The following FRZB variants were observed in gnomAD, a reference collection of about 807,000 sequenced individuals.
FRZB encodes frizzled related protein.
A neutral mutation model predicts 32.5 loss-of-function variants in FRZB; 34 were observed. That is an observed-to-expected ratio of 1.05 (90% CI 0.80 to 1.39). FRZB has a LOEUF of 1.39. FRZB is among the 40% of genes most tolerant of loss of function. The pLI, the probability that FRZB is intolerant of heterozygous loss-of-function variation, is 0.00. For missense variants in FRZB, 423 were observed against 424.8 expected (o/e 1.00, Z 0.04); for synonymous variants, 170 against 159.2 (o/e 1.07, Z -0.51).
intron 2 of FRZB, among the ~76,000 whole-genome samples, chr2:182,855,805 AC>A (rs1695761795): frequency 6.6e-6 from 1 of 152,182 alleles, no homozygotes; most frequent in African/African-American, 2.4e-5. Flanking sequence ...ATAACCCTAA[AC>A]AGGGTAAACT....
At chr2:182,843,656 C>A (rs73037282) in intron 2 of FRZB, among the ~76,000 whole-genome samples, 1 of 152,114 alleles carries the variant, frequency 6.6e-6, no homozygotes, top group Non-Finnish European at 1.5e-5. Context: ...CAAGCGCTCA[C>A]GCCTGTAATC....
rs545959929 is a variant in FRZB at position 182,835,016 on chromosome 2, T to C, written c.862-51A>G. 1.9e-5 allele frequency: 25 copies of C among 1,304,144 alleles called. No individual in the cohort carries two copies. In the South Asian group the frequency reaches 2.6e-4, roughly 14 times the overall value. The allele number at this position is 1,304,144 out of a possible 1,614,324, so 80.8% of individuals were successfully genotyped here. On this transcript the variant is annotated intron_variant, in intron 5 of 5. Coordinates refer to ENST00000295113, the MANE Select transcript of FRZB (RefSeq NM_001463.4). ...TCACAAGCACATATCACCAGGGTCA[T>C]TATTTCCATGATTCTAACAACTGGG... is the stretch of plus-strand genomic sequence containing the variant.
intron 2 of FRZB, among the ~76,000 whole-genome samples, chr2:182,858,450 G>A (rs1695794975): frequency 6.6e-6 from 1 of 152,170 alleles, no homozygotes; most frequent in Non-Finnish European, 1.5e-5. Flanking sequence ...GTGATTGCCA[G>A]TGGATGAAGA....
At chr2:182,865,188 T>A (rs1695877265) in intron 1 of FRZB, among the ~76,000 whole-genome samples, 1 of 152,126 alleles carries the variant, frequency 6.6e-6, no homozygotes, top group African/African-American at 2.4e-5. Context: ...AAATAAGGTA[T>A]TAAAGACAAT....
chr2:182,864,579 A>G (rs1265611395), intron 1 of FRZB, among the ~76,000 whole-genome samples: 1 of 152,222 alleles, frequency 6.6e-6, no homozygotes, highest in Non-Finnish European at 1.5e-5. Flanking sequence ...TATATTCAAA[A>G]AGTGATAAAC....
At chr2:182,855,121 A>G (rs1006041448) in intron 2 of FRZB, among the ~76,000 whole-genome samples, 1 of 152,212 alleles carries the variant, frequency 6.6e-6, no homozygotes, top group Non-Finnish European at 1.5e-5. Flanking sequence ...TAAAATCACA[A>G]CCCACAGAAG....
Position 182,866,102 on chromosome 2 carries a change from C to T in FRZB, c.451G>A (p.Glu151Lys). ...GCTCCGTCCGCAGTAACGATGGCCT[C>T]GGGAGAGATGCACACGCCCCTGTCG... Reference protein sequence around the residue: ...VYDRGVCISPEAIVTADGADF... With the variant: ...VYDRGVCISPKAIVTADGADF... Residue 151 changes from glutamate to lysine, a missense_variant, in exon 1 of 6, where the codon GAG becomes AAG. Glu to Lys is a moderately conservative substitution (Grantham distance 56). Coordinates refer to ENST00000295113, the MANE Select transcript of FRZB (RefSeq NM_001463.4). This position sits in a 1 kb window ranked among gnomAD's most constrained non-coding sequence, Gnocchi z 4.5. 2 of 1,613,354 alleles carry T rather than the reference C, an allele frequency of 1.2e-6. No individual in the cohort carries two copies. Among genetic ancestry groups the T allele is most frequent in the African/African-American group, 1.3e-5 (1 of 75,036 alleles).
At chr2:182,853,895 C>T (rs1695737230) in intron 2 of FRZB, among the ~76,000 whole-genome samples, 1 of 152,058 alleles carries the variant, frequency 6.6e-6, no homozygotes, top group Non-Finnish European at 1.5e-5. Flanking sequence ...GTCATTGTAA[C>T]AAAAACTGAA....
intron 2 of FRZB, 77 bp from the exon 3 acceptor site, chr2:182,842,620 C>A: frequency 8.5e-7 from 1 of 1,176,586 alleles, no homozygotes; most frequent in South Asian, 1.3e-5. Flanking sequence ...ACATTTTTTG[C>A]TCAGACTAGA....
chr2:182,833,866 C>A lies in FRZB; in HGVS notation c.*983G>T, dbSNP rs1340951096. ...AACAGAAAAAACAAAAACAAAAAAA[C>A]CTGCATATTTTATCACTCTGTAATC... On this transcript the variant is annotated 3_prime_UTR_variant, in exon 6 of 6. Transcript: ENST00000295113. 1.3e-5 allele frequency: 2 copies of A among 151,982 alleles called. No homozygotes were observed. The highest frequency in any genetic ancestry group is 4.8e-5 in the African/African-American group (2 of 41,404). 9.4% of individuals were successfully genotyped at this position (151,982 alleles called of 1,614,324 possible). A position where few individuals can be genotyped will look rare whatever the true frequency, so the allele number is the denominator to read the frequency against.
At chr2:182,836,667 G>A (rs922608401) in intron 5 of FRZB, among the ~76,000 whole-genome samples, 2 of 151,870 alleles carry the variant, frequency 1.3e-5, no homozygotes, top group African/African-American at 4.8e-5. Flanking sequence ...TTTCCAACTG[G>A]TACAGGAATT....
chr2:182,846,230 A>C (rs1327401585), intron 2 of FRZB, among the ~76,000 whole-genome samples: 1 of 152,220 alleles, frequency 6.6e-6, no homozygotes, highest in Non-Finnish European at 1.5e-5. Context: ...GACTGTCACT[A>C]TTTAATGCAA....
chr2:182,847,316 T>C (rs1310016435), intron 2 of FRZB, among the ~76,000 whole-genome samples: 1 of 152,202 alleles, frequency 6.6e-6, no homozygotes, highest in African/African-American at 2.4e-5. Context: ...TACATCTTTA[T>C]ATATAAGACA....
chr2:182,857,610 C>G (rs1206034762), intron 2 of FRZB, among the ~76,000 whole-genome samples: 1 of 147,662 alleles, frequency 6.8e-6, no homozygotes, highest in Admixed American at 6.7e-5. Flanking sequence ...GAGCAAGACT[C>G]CATCTCAAAA....
intron 2 of FRZB, among the ~76,000 whole-genome samples, chr2:182,856,371 TGAGAGAGA>T (rs904411326): frequency 6.6e-6 from 1 of 150,976 alleles, no homozygotes; most frequent in African/African-American, 2.4e-5. Context: ...TGTGTGTGTG[TGAGAGAGA>T]GAGAGAGAGA....
rs1293402719 is a variant in FRZB at position 182,866,624 on chromosome 2, C to T, written c.-72G>A. 7.3e-6 allele frequency: 8 copies of T among 1,103,030 alleles called. No homozygotes were observed. Among genetic ancestry groups the T allele is most frequent in the Non-Finnish European group, 9.9e-6 (8 of 808,114 alleles). The allele number at this position is 1,103,030 out of a possible 1,614,324, so 68.3% of individuals were successfully genotyped here. ...AAGGCCCGCTCCGCCGTCTCCGCCT[C>T]CCCCGCTGCAAGTGGACACAAGGAT... On this transcript the variant is annotated 5_prime_UTR_variant, in exon 1 of 6. Coordinates refer to ENST00000295113, the MANE Select transcript of FRZB (RefSeq NM_001463.4). This position sits in a 1 kb window ranked among gnomAD's most constrained non-coding sequence, Gnocchi z 4.5.
intron 1 of FRZB, among the ~76,000 whole-genome samples, chr2:182,862,448 G>A (rs1695843546): frequency 1.3e-5 from 2 of 152,154 alleles, no homozygotes; most frequent in Non-Finnish European, 2.9e-5. Context: ...TCGCTCCCAA[G>A]GGGATCTGCT....
rs374178563 is a variant in FRZB at position 182,838,402 on chromosome 2, G to A, written c.797+7C>T. 1 of 1,601,392 alleles carries A rather than the reference G, an allele frequency of 6.2e-7. No homozygotes were observed. The highest frequency in any genetic ancestry group is 8.6e-7 in the Non-Finnish European group (1 of 1,168,992). ...TAGTTATTCTGTATCCTTAAAGAGT[G>A]AATTACCTGGAACGTTCCTCATCTT... On this transcript the variant is annotated splice_region_variant and intron_variant, in intron 4 of 5. Coordinates refer to ENST00000295113, the MANE Select transcript of FRZB (RefSeq NM_001463.4).
intron 1 of FRZB, among the ~76,000 whole-genome samples, chr2:182,863,451 G>A (rs1465083075): frequency 6.6e-6 from 1 of 152,214 alleles, no homozygotes. Flanking sequence ...GTAGTTTCAA[G>A]CATTACTCCA....
Sources: allele counts gnomAD v4.1 joint callset (sites outside exome capture counted in the v4.1 genomes callset), GRCh38; gene constraint gnomAD v4.1.1; non-coding constraint Gnocchi (gnomAD v3.1); transcripts MANE v1.5; gene names NCBI Gene and HGNC (gene_info 2026-07-23, HGNC 2026-07-21).